Variants in CBLB observed in about 807,000 individuals in gnomAD.
CBLB encodes the protein E3 ubiquitin-protein ligase CBL-B.
Under a neutral mutation model 104.9 loss-of-function variants are expected in CBLB, and 31 were observed. The observed-to-expected ratio is 0.30, with a 90% CI of 0.22 to 0.40. The LOEUF is 0.40. Ranked by LOEUF, CBLB falls within the 10% of genes least tolerant of loss-of-function variation. CBLB has a pLI of 1.00. For synonymous variants in CBLB, 440 were observed against 422.6 expected (o/e 1.04, Z -0.51); for missense variants, 1,062 against 1,214.6 (o/e 0.87, Z 1.87).
intron 10 of CBLB, among the ~76,000 whole-genome samples, chr3:105,710,127 TTCTA>T (rs568066187): frequency 6.6e-6 from 1 of 151,938 alleles, no homozygotes; most frequent in Non-Finnish European, 1.5e-5. Context: ...GTCAACCTCT[TTCTA>T]TCTGTTATAA....
intron 3 of CBLB, among the ~76,000 whole-genome samples, chr3:105,819,285 G>A (rs922509785): frequency 4.6e-5 from 7 of 152,116 alleles, no homozygotes; most frequent in South Asian, 4.1e-4. Context: ...CAAGGAGTTC[G>A]AGACCAGCCT....
chr3:105,767,670 A>T (rs557476864), intron 4 of CBLB, among the ~76,000 whole-genome samples: 18 of 151,608 alleles, frequency 1.2e-4, no homozygotes, highest in African/African-American at 4.1e-4. Context: ...TAAAGGTTTC[A>T]ATTGGTTAAT....
Position 105,776,557 on chromosome 3 carries a change from GA to G in CBLB, c.420-16del. The G allele has an allele frequency of 3.7e-6, 6 of 1,610,074 alleles. No individual in the cohort carries two copies. The highest frequency in any genetic ancestry group is 4.2e-6 in the Non-Finnish European group (5 of 1,177,466). On this transcript the variant is annotated splice_polypyrimidine_tract_variant and intron_variant, in intron 3 of 18. Transcript: ENST00000394030. ...TGAGATTTCGTCTGTAGGCACAAGG[GA>G]AAAAAATGAAGATAAGAAATAAACA...
intron 4 of CBLB, among the ~76,000 whole-genome samples, chr3:105,754,786 A>G (rs1467914078): frequency 1.3e-5 from 2 of 152,310 alleles, no homozygotes; most frequent in East Asian, 1.9e-4. Flanking sequence ...TTTATTTCAA[A>G]TAAGAGTAAG....
At chr3:105,859,662 CAAAAAA>C (rs33981342) in intron 2 of CBLB, among the ~76,000 whole-genome samples, 1 of 94,200 alleles carries the variant, frequency 1.1e-5, no homozygotes, top group Non-Finnish European at 2.1e-5. Flanking sequence ...GACTCCGTGT[CAAAAAA>C]AAAAAAAAAA....
chr3:105,700,628 A>G (rs2068961862), intron 12 of CBLB, among the ~76,000 whole-genome samples: 1 of 152,202 alleles, frequency 6.6e-6, no homozygotes, highest in Admixed American at 6.5e-5. Flanking sequence ...CATTTACATT[A>G]TATTTAGGTG....
At chr3:105,715,299 A>T (rs992121759) in intron 10 of CBLB, among the ~76,000 whole-genome samples, 3 of 152,216 alleles carry the variant, frequency 2.0e-5, no homozygotes, top group Admixed American at 2.0e-4. Context: ...ACTTGGGCAA[A>T]ATCTAAAACA....
intron 3 of CBLB, among the ~76,000 whole-genome samples, chr3:105,803,852 T>C (rs1213889584): frequency 6.6e-6 from 1 of 152,194 alleles, no homozygotes; most frequent in East Asian, 1.9e-4. Flanking sequence ...AAAAATACAT[T>C]GCTGACTTAA....
intron 9 of CBLB, chr3:105,724,284 A>C (rs547737711): frequency 6.4e-6 from 1 of 156,982 alleles, no homozygotes; most frequent in East Asian, 1.6e-4. Flanking sequence ...CTGGTTTATT[A>C]TGATGGACAA....
chr3:105,858,322 C>T lies in CBLB; in HGVS notation c.169-4658G>A, dbSNP rs140279402. Among the ~76,000 whole-genome samples the T allele has an allele frequency of 4.2e-3, 635 of 152,238 alleles. 4 individuals are homozygous for T. The highest frequency in any genetic ancestry group is 0.014 in the African/African-American group (601 of 41,536). On this transcript the variant is annotated intron_variant, in intron 2 of 18. Coordinates refer to ENST00000394030, the MANE Select transcript of CBLB (RefSeq NM_170662.5). The stretch of plus-strand genomic sequence containing the variant: ...ACTTCTAAGCAGGTCAAATTCAATT[C>T]CATTCAATAAATATTTATTGAATAC...
chr3:105,744,223 G>A (rs1576806191), intron 6 of CBLB, among the ~76,000 whole-genome samples: 1 of 151,978 alleles, frequency 6.6e-6, no homozygotes, highest in African/African-American at 2.4e-5. Context: ...TTATTTCTAT[G>A]ATTGGACAAG....
chr3:105,702,476 G>GAAAAAAAAAAAAAAAAAAAAAAACAAA lies in CBLB; in HGVS notation c.1594-18_1594-17insTTTGTTTTTTTTTTTTTTTTTTTTTTT. 1 of 277,062 alleles carries GAAAAAAAAAAAAAAAAAAAAAAACAAA rather than the reference G, an allele frequency of 3.6e-6. No homozygotes were observed. The allele number at this position is 277,062 out of a possible 1,614,324, so 17.2% of individuals were successfully genotyped here. On this transcript the variant is annotated splice_polypyrimidine_tract_variant and intron_variant, in intron 11 of 18. Coordinates refer to ENST00000394030, the MANE Select transcript of CBLB (RefSeq NM_170662.5). Reference sequence around the variant, plus strand: ...AGGAGAAGACTAAAGAAACAGAAGAGAAAAAAAAAAAAAAAAAAAAAAACT... The same window carrying GAAAAAAAAAAAAAAAAAAAAAAACAAA: ...AGGAGAAGACTAAAGAAACAGAAGAGAAAAAAAAAAAAAAAAAAAAAAACAAAAAAAAAAAAAAAAAAAAAAAAAACT...
At chr3:105,686,451 GAAA>G (rs3831886) in intron 13 of CBLB, among the ~76,000 whole-genome samples, 9 of 137,056 alleles carry the variant, frequency 6.6e-5, no homozygotes, top group Non-Finnish European at 1.3e-4. Flanking sequence ...AAAAAGGAAG[GAAA>G]AAAAAAAAAC....
At chr3:105,815,755 T>C (rs916673839) in intron 3 of CBLB, among the ~76,000 whole-genome samples, 2 of 152,190 alleles carry the variant, frequency 1.3e-5, no homozygotes, top group Non-Finnish European at 2.9e-5. Context: ...CACATGTTTA[T>C]TGCAGCACTA....
chr3:105,661,758 A>G (rs2063807137), intron 18 of CBLB, among the ~76,000 whole-genome samples: 1 of 152,158 alleles, frequency 6.6e-6, no homozygotes, highest in African/African-American at 2.4e-5. Context: ...GGGCTAAGCA[A>G]TTTACTTTCA....
intron 3 of CBLB, among the ~76,000 whole-genome samples, chr3:105,810,292 T>C (rs1289492028): frequency 1.3e-5 from 2 of 152,224 alleles, no homozygotes; most frequent in Non-Finnish European, 2.9e-5. Context: ...TAGCATGCTG[T>C]TACTAAAATA....
At chr3:105,721,273 A>C (rs957830740) in intron 9 of CBLB, among the ~76,000 whole-genome samples, 1 of 152,172 alleles carries the variant, frequency 6.6e-6, no homozygotes, top group Non-Finnish European at 1.5e-5. Flanking sequence ...TTCCATAATT[A>C]ATTCAGGACT....
intron 2 of CBLB, among the ~76,000 whole-genome samples, chr3:105,866,302 G>T (rs1220024807): frequency 6.6e-6 from 1 of 152,208 alleles, no homozygotes; most frequent in East Asian, 1.9e-4. Context: ...ACTACTGATA[G>T]TGGCTTTTAT....
chr3:105,734,170 T>C, intron 8 of CBLB, 30 bp from the exon 9 acceptor site: 1 of 1,610,676 alleles, frequency 6.2e-7, no homozygotes, highest in Non-Finnish European at 8.5e-7. Context: ...GAGAAAGTAA[T>C]GTTAATGTAT....
Sources: allele counts gnomAD v4.1 joint callset (sites outside exome capture counted in the v4.1 genomes callset), GRCh38; gene constraint gnomAD v4.1.1; transcripts MANE v1.5; gene names NCBI Gene and HGNC (gene_info 2026-07-23, HGNC 2026-07-21).